Variants in NIBAN1 observed in about 807,000 individuals in gnomAD.
NIBAN1 encodes the protein protein Niban 1.
A neutral mutation model predicts 75.1 loss-of-function variants in NIBAN1; 81 were observed. The ratio of observed to expected loss-of-function variants is 1.08; its 90% CI spans 0.90 to 1.30. NIBAN1 has a LOEUF of 1.30. NIBAN1 is among the 50% of genes most tolerant of loss of function. NIBAN1 has a pLI of 0.00. For missense variants in NIBAN1, 1,133 were observed against 1,128.1 expected, an observed-to-expected ratio of 1.00 and a Z score of -0.06; for synonymous variants, 436 against 424.8, an observed-to-expected ratio of 1.03 and a Z score of -0.32.
intron 6 of NIBAN1, among the ~76,000 whole-genome samples, chr1:184,829,979 C>T (rs961290727): frequency 6.6e-6 from 1 of 152,198 alleles, no homozygotes; most frequent in Non-Finnish European, 1.5e-5. Flanking sequence ...TAGCATGTAA[C>T]TCTGAAACTA....
intron 1 of NIBAN1, 94 bp downstream of exon 1, chr1:184,974,208 G>T: frequency 7.8e-7 from 1 of 1,278,712 alleles, no homozygotes; most frequent in Non-Finnish European, 1.0e-6. Context: ...TACAGGGAGA[G>T]GGCCCGGGGC....
Position 184,899,232 on chromosome 1 carries a change from G to T in NIBAN1, c.133C>A (p.Arg45Ser). 6.2e-7 allele frequency: 1 copy of T among 1,613,884 alleles called. No homozygotes were observed. The highest frequency in any genetic ancestry group is 8.5e-7 in the Non-Finnish European group (1 of 1,179,832). ...QYSVAFCNHV[R>S]TEVEQQRDLT... ...TCTCTTTGCTGTTCTACTTCAGTGC[G>T]CACGTGATTGCAGAAAGCCACAGAG... Residue 45 changes from arginine (R) to serine (S), a missense_variant, in exon 2 of 14, where the codon CGC becomes AGC. Physicochemically the swap from Arg to Ser is moderately radical, Grantham distance 110. Coordinates refer to ENST00000367511, the MANE Select transcript of NIBAN1 (RefSeq NM_052966.4).
At chr1:184,925,542 T>A (rs760484563) in intron 1 of NIBAN1, among the ~76,000 whole-genome samples, 2 of 152,098 alleles carry the variant, frequency 1.3e-5, no homozygotes, top group Non-Finnish European at 2.9e-5. Context: ...TCCAGTGGTG[T>A]TTTTAATTTC....
intron 6 of NIBAN1, among the ~76,000 whole-genome samples, chr1:184,830,338 G>A (rs1048888796): frequency 2.0e-5 from 3 of 152,156 alleles, no homozygotes; most frequent in Non-Finnish European, 2.9e-5. Flanking sequence ...TGACACTTTT[G>A]TTTTTCTTAA....
intron 5 of NIBAN1, among the ~76,000 whole-genome samples, chr1:184,838,053 C>A (rs1655185531): frequency 6.6e-6 from 1 of 152,128 alleles, no homozygotes. Flanking sequence ...TCAAAGGATA[C>A]TTTCTTTTTC....
intron 1 of NIBAN1, among the ~76,000 whole-genome samples, chr1:184,964,075 A>G (rs1357395013): frequency 1.3e-5 from 2 of 152,108 alleles, no homozygotes; most frequent in East Asian, 3.9e-4. Flanking sequence ...AAAAAAAAAA[A>G]AAAGGAACCA....
chr1:184,906,403 G>A (rs1224371771), intron 1 of NIBAN1, among the ~76,000 whole-genome samples: 1 of 152,158 alleles, frequency 6.6e-6, no homozygotes, highest in East Asian at 1.9e-4. Flanking sequence ...GGCCGAGGCG[G>A]GTGGATCACC....
chr1:184,962,464 A>C (rs960145658), intron 1 of NIBAN1, among the ~76,000 whole-genome samples: 1 of 152,318 alleles, frequency 6.6e-6, no homozygotes, highest in South Asian at 2.1e-4. Flanking sequence ...CCCTAGTTCT[A>C]TAAACTAAAA....
chr1:184,946,856 C>T (rs1297697468), intron 1 of NIBAN1, among the ~76,000 whole-genome samples: 1 of 151,900 alleles, frequency 6.6e-6, no homozygotes, highest in Non-Finnish European at 1.5e-5. Context: ...GATGGATCAC[C>T]TGAGGTCGGG....
chr1:184,870,509 T>C lies in NIBAN1; in HGVS notation c.601+14124A>G, dbSNP rs556637633. Among the ~76,000 whole-genome samples the C allele has an allele frequency of 6.6e-5, 10 of 152,290 alleles. No homozygotes were observed. In the South Asian group the frequency reaches 2.1e-3, roughly 32 times the overall value. The stretch of plus-strand genomic sequence containing the variant: ...AAAAGTTCTGAACGTCAGGTTTAGC[T>C]TTTGAGTCATTTCCCCCGCTGTCAA... On this transcript the variant is annotated intron_variant, in intron 5 of 13. Coordinates refer to ENST00000367511, the MANE Select transcript of NIBAN1 (RefSeq NM_052966.4).
intron 6 of NIBAN1, among the ~76,000 whole-genome samples, chr1:184,829,019 C>T (rs754121137): frequency 6.6e-6 from 1 of 152,090 alleles, no homozygotes; most frequent in Non-Finnish European, 1.5e-5. Flanking sequence ...AGGCTAATCT[C>T]GAACTCCCGG....
At chr1:184,831,760 T>G in intron 6 of NIBAN1, 87 bp downstream of exon 6, 1 of 945,438 alleles carries the variant, frequency 1.1e-6, no homozygotes, top group South Asian at 1.4e-5. Flanking sequence ...AACTTTTCTG[T>G]TTGATTGTTT....
intron 1 of NIBAN1, among the ~76,000 whole-genome samples, chr1:184,913,024 T>G (rs1025037808): frequency 5.3e-5 from 8 of 152,052 alleles, no homozygotes; most frequent in African/African-American, 1.7e-4. Context: ...CACTGAAGTT[T>G]AGAACCACTG....
At chr1:184,815,902 C>A (rs919834432) in intron 9 of NIBAN1, among the ~76,000 whole-genome samples, 1 of 152,218 alleles carries the variant, frequency 6.6e-6, no homozygotes, top group Non-Finnish European at 1.5e-5. Context: ...ATGTCTCCCT[C>A]ATAATAGGCC....
At chr1:184,818,608 C>A in intron 9 of NIBAN1, 30 bp downstream of exon 9, 2 of 1,533,046 alleles carry the variant, frequency 1.3e-6, no homozygotes, top group South Asian at 1.2e-5. Flanking sequence ...GCAGACCATT[C>A]ACACCCAGCT....
At chr1:184,854,548 G>A (rs1433518187) in intron 5 of NIBAN1, among the ~76,000 whole-genome samples, 1 of 152,180 alleles carries the variant, frequency 6.6e-6, no homozygotes, top group Non-Finnish European at 1.5e-5. Context: ...TACCTCATGG[G>A]CAATGAGGAA....
chr1:184,953,731 G>A (rs4651243), intron 1 of NIBAN1, among the ~76,000 whole-genome samples: 90,292 of 152,028 alleles, frequency 0.59, 27,519 homozygotes, highest in Non-Finnish European at 0.66. Context: ...GTTTCTCGTG[G>A]AAGTGCCAAA....
At chr1:184,823,524 AT>A in intron 7 of NIBAN1, 113 bp downstream of exon 7, 1 of 1,302,230 alleles carries the variant, frequency 7.7e-7, no homozygotes, top group Non-Finnish European at 1.1e-6. Context: ...CGAAGTAGGC[AT>A]TTCTACACCC....
chr1:184,807,972 GTA>G, intron 10 of NIBAN1, 100 bp downstream of exon 10: 1 of 1,354,322 alleles, frequency 7.4e-7, no homozygotes, highest in Non-Finnish European at 1.1e-6. Context: ...GAGACGCGAC[GTA>G]TTTCCCTGAG....
Sources: gnomAD v4.1 joint callset for allele counts (sites outside exome capture counted in the v4.1 genomes callset) on GRCh38, gnomAD v4.1.1 for gene constraint, MANE v1.5 for transcripts, NCBI Gene and HGNC (gene_info 2026-07-23, HGNC 2026-07-21) for gene names.